SLC25A21: variants seen among roughly 807,000 people sequenced by gnomAD.
The protein encoded by SLC25A21 is solute carrier family 25 member 21.
In SLC25A21, 47 loss-of-function variants were observed where a neutral mutation model predicts 43.8. That is an observed-to-expected ratio of 1.07 (90% CI 0.85 to 1.37). The LOEUF is 1.37. SLC25A21 is among the 40% of genes most tolerant of loss of function. The pLI, the probability that SLC25A21 is intolerant of heterozygous loss-of-function variation, is 0.00. For synonymous variants in SLC25A21, 131 were observed against 121.3 expected (o/e 1.08, Z -0.52); for missense variants, 352 against 350.2 (o/e 1.00, Z -0.04).
chr14:36,702,440 A>T (rs922886826), intron 7 of SLC25A21, among the ~76,000 whole-genome samples: 1 of 143,460 alleles, frequency 7.0e-6, no homozygotes, highest in Non-Finnish European at 1.5e-5. Context: ...GGAGTTGGAG[A>T]TCAGTCTGGG....
At chr14:36,759,462 G>C (rs1181273474) in intron 3 of SLC25A21, among the ~76,000 whole-genome samples, 2 of 152,148 alleles carry the variant, frequency 1.3e-5, no homozygotes, top group African/African-American at 2.4e-5. Context: ...TCAAATTCCT[G>C]ATTTTACAAA....
intron 1 of SLC25A21, among the ~76,000 whole-genome samples, chr14:37,075,831 TC>T (rs1047860712): frequency 1.3e-5 from 2 of 152,250 alleles, no homozygotes; most frequent in Non-Finnish European, 2.9e-5. Flanking sequence ...TGAACTGATT[TC>T]CCTCGTTCCA....
intron 1 of SLC25A21, among the ~76,000 whole-genome samples, chr14:36,880,831 A>G (rs1005494990): frequency 6.6e-6 from 1 of 152,180 alleles, no homozygotes; most frequent in African/African-American, 2.4e-5. Flanking sequence ...TAAATGTTGG[A>G]AAACAACTAA....
intron 2 of SLC25A21, among the ~76,000 whole-genome samples, chr14:36,815,762 C>T (rs765441): frequency 0.25 from 38,660 of 151,790 alleles, 5,502 homozygotes; most frequent in African/African-American, 0.36. Context: ...TCTCCCGTAC[C>T]TGAGTTGTTT....
At chr14:36,818,665 CAT>C (rs1451709497) in intron 2 of SLC25A21, among the ~76,000 whole-genome samples, 1 of 152,198 alleles carries the variant, frequency 6.6e-6, no homozygotes, top group African/African-American at 2.4e-5. Flanking sequence ...TTCCATTACA[CAT>C]GACTTATTCT....
chr14:37,142,498 C>A (rs1053594551), intron 1 of SLC25A21, among the ~76,000 whole-genome samples: 1 of 152,144 alleles, frequency 6.6e-6, no homozygotes, highest in African/African-American at 2.4e-5. Flanking sequence ...GTAGCTGGGA[C>A]CGCAGACAGG....
chr14:37,093,713 G>A (rs1029325032), intron 1 of SLC25A21, among the ~76,000 whole-genome samples: 1 of 152,116 alleles, frequency 6.6e-6, no homozygotes, highest in Non-Finnish European at 1.5e-5. Flanking sequence ...GGAAAAAAGT[G>A]GGGGGAGGAT....
chr14:36,876,188 C>A (rs1890517865), intron 1 of SLC25A21, among the ~76,000 whole-genome samples: 1 of 152,142 alleles, frequency 6.6e-6, no homozygotes, highest in South Asian at 2.1e-4. Flanking sequence ...AGTTTATCTT[C>A]CCCATCCCAT....
intron 1 of SLC25A21, among the ~76,000 whole-genome samples, chr14:36,981,449 C>A (rs1211691720): frequency 2.0e-5 from 3 of 152,162 alleles, no homozygotes; most frequent in African/African-American, 7.2e-5. Flanking sequence ...AAATGTCCAA[C>A]AATGATAGAC....
chr14:36,709,127 CCTCCCGAG>C (rs1171213448), intron 7 of SLC25A21, among the ~76,000 whole-genome samples: 1 of 152,132 alleles, frequency 6.6e-6, no homozygotes, highest in Non-Finnish European at 1.5e-5. Flanking sequence ...CCTGCCTCAG[CCTCCCGAG>C]TAGCTGGGAT....
chr14:36,967,550 G>A (rs1248937189), intron 1 of SLC25A21, among the ~76,000 whole-genome samples: 1 of 152,210 alleles, frequency 6.6e-6, no homozygotes, highest in African/African-American at 2.4e-5. Context: ...GGCTTGCTAA[G>A]CAGATGATGC....
intron 1 of SLC25A21, among the ~76,000 whole-genome samples, chr14:37,028,452 A>T (rs1961139328): frequency 6.6e-6 from 1 of 152,140 alleles, no homozygotes; most frequent in Non-Finnish European, 1.5e-5. Context: ...CAATTATAAC[A>T]AAGGACAAAT....
chr14:36,957,110 C>T (rs555834513), intron 1 of SLC25A21, among the ~76,000 whole-genome samples: 1 of 152,286 alleles, frequency 6.6e-6, no homozygotes, highest in East Asian at 1.9e-4. Context: ...TGTTGTGGGT[C>T]ACAAAAGAAA....
chr14:36,872,258 G>A (rs1263540209), intron 2 of SLC25A21, among the ~76,000 whole-genome samples: 1 of 152,106 alleles, frequency 6.6e-6, no homozygotes, highest in African/African-American at 2.4e-5. Flanking sequence ...ACTTTTTGGA[G>A]TCAAGTCTTG....
At chr14:36,918,186 A>G (rs1891883319) in intron 1 of SLC25A21, among the ~76,000 whole-genome samples, 1 of 152,172 alleles carries the variant, frequency 6.6e-6, no homozygotes, top group Non-Finnish European at 1.5e-5. Context: ...TTTACTGTAG[A>G]GATTGAGCTG....
chr14:37,112,877 T>C (rs1242697960), intron 1 of SLC25A21, among the ~76,000 whole-genome samples: 1 of 152,174 alleles, frequency 6.6e-6, no homozygotes, highest in Non-Finnish European at 1.5e-5. Context: ...TCACTGTATT[T>C]TAGGGTGTCT....
At chr14:37,150,632 TA>T (rs1425494443) in intron 1 of SLC25A21, among the ~76,000 whole-genome samples, 1 of 152,162 alleles carries the variant, frequency 6.6e-6, no homozygotes, top group Admixed American at 6.5e-5. Context: ...CTTTTCCTTT[TA>T]AAAAGAAAAT....
At chr14:36,922,501 C>A (rs2138626051) in intron 1 of SLC25A21, among the ~76,000 whole-genome samples, 1 of 151,008 alleles carries the variant, frequency 6.6e-6, no homozygotes, top group South Asian at 2.1e-4. Flanking sequence ...GAGAAATCAG[C>A]TATGCAGAGG....
At chr14:37,029,036 T>C (rs1277686887) in intron 1 of SLC25A21, among the ~76,000 whole-genome samples, 1 of 152,170 alleles carries the variant, frequency 6.6e-6, no homozygotes, top group Non-Finnish European at 1.5e-5. Flanking sequence ...GAGAGTTAAA[T>C]GTTTTATTCT....
Sources: gnomAD v4.1 joint callset for allele counts (sites outside exome capture counted in the v4.1 genomes callset) on GRCh38, gnomAD v4.1.1 for gene constraint, MANE v1.5 for transcripts, NCBI Gene and HGNC (gene_info 2026-07-23, HGNC 2026-07-21) for gene names.